Variants in UTP18 observed in about 807,000 individuals in gnomAD.
UTP18 encodes U3 small nucleolar RNA-associated protein 18 homolog.
A neutral mutation model predicts 61.1 loss-of-function variants in UTP18; 36 were observed. The observed-to-expected ratio is 0.59, with a 90% CI of 0.45 to 0.78. The LOEUF (loss-of-function observed/expected upper bound fraction) is 0.78. Among genes scored for constraint, UTP18 ranks in the 30% least tolerant of loss-of-function variants. The pLI is 0.00. For missense variants in UTP18, 753 were observed against 693.9 expected, an observed-to-expected ratio of 1.09 and a Z score of -0.96; for synonymous variants, 282 against 251.1, an observed-to-expected ratio of 1.12 and a Z score of -1.16.
chr17:51,277,502 C>T (rs556588605), intron 7 of UTP18, among the ~76,000 whole-genome samples, 198 bp downstream of exon 7: 16 of 152,266 alleles, frequency 1.1e-4, no homozygotes, highest in East Asian at 3.9e-4. Context: ...TGAACACTTA[C>T]GGAATGATCA....
intron 3 of UTP18, among the ~76,000 whole-genome samples, 154 bp downstream of exon 3, chr17:51,266,434 G>A (rs1015368375): frequency 2.6e-5 from 4 of 152,092 alleles, no homozygotes; most frequent in African/African-American, 9.7e-5. Flanking sequence ...TTTTTTAGGG[G>A]AGAGGGGACA....
At chr17:51,274,935 C>A (rs1183008649) in intron 5 of UTP18, among the ~76,000 whole-genome samples, 3 of 151,818 alleles carry the variant, frequency 2.0e-5, no homozygotes, top group African/African-American at 7.3e-5. Context: ...CAGTGGCTCA[C>A]GCCTGTAATC....
intron 3 of UTP18, among the ~76,000 whole-genome samples, chr17:51,267,050 G>C (rs964952793): frequency 6.6e-6 from 1 of 152,028 alleles, no homozygotes; most frequent in East Asian, 1.9e-4. Context: ...CTGGTCTTGA[G>C]CTCCTGGACT....
intron 10 of UTP18, among the ~76,000 whole-genome samples, chr17:51,285,848 C>G (rs564235468): frequency 6.6e-6 from 1 of 152,156 alleles, no homozygotes; most frequent in Non-Finnish European, 1.5e-5. Context: ...TTGGAACATA[C>G]GCCCTGCCAG....
At chr17:51,267,163 G>A (rs908976706) in intron 3 of UTP18, among the ~76,000 whole-genome samples, 6 of 151,978 alleles carry the variant, frequency 3.9e-5, no homozygotes, top group Non-Finnish European at 5.9e-5. Context: ...GAGGTTTTTC[G>A]CCATGTCGCC....
At chr17:51,283,356 CAG>C (rs560862295) in intron 9 of UTP18, among the ~76,000 whole-genome samples, 44 of 151,862 alleles carry the variant, frequency 2.9e-4, no homozygotes, top group Non-Finnish European at 4.9e-4. Flanking sequence ...TTAATAGAGA[CAG>C]GGTTTCATCA....
intron 3 of UTP18, among the ~76,000 whole-genome samples, chr17:51,268,536 T>C (rs8080145): frequency 0.64 from 97,187 of 152,144 alleles, 31,725 homozygotes; most frequent in African/African-American, 0.78. Context: ...TCCTGATATC[T>C]GGGATGTGTT....
chr17:51,293,428 T>C (rs541733938), intron 11 of UTP18, among the ~76,000 whole-genome samples: 90 of 151,964 alleles, frequency 5.9e-4, no homozygotes, highest in South Asian at 1.7e-3. Context: ...ATCAATCTTG[T>C]CCAACCCACG....
At chr17:51,293,569 A>G (rs953561054) in intron 11 of UTP18, among the ~76,000 whole-genome samples, 16 of 151,676 alleles carry the variant, frequency 1.1e-4, no homozygotes, top group African/African-American at 3.1e-4. Flanking sequence ...GCCCAAGACA[A>G]TTCTTCTTCC....
Position 51,277,203 on chromosome 17 carries a change from G to T in UTP18, c.911G>T (p.Ser304Ile). 1 of 1,614,144 alleles carries T rather than the reference G, an allele frequency of 6.2e-7. No individual in the cohort carries two copies. The highest frequency in any genetic ancestry group is 1.1e-5 in the South Asian group (1 of 91,084). ...TTTCCAATCTTTAAGGCTTGTTTTA[G>T]TGCTAATGGGGAAGAAGTTTTAGCC... ...ERFPIFKACF[S>I]ANGEEVLATS... The change falls in exon 7 of 14, where the codon AGT (serine) becomes ATT (isoleucine). Residue 304 changes from serine to isoleucine, a missense_variant. Ser to Ile is a moderately radical substitution (Grantham distance 142). Transcript: ENST00000225298.
At chr17:51,273,185 A>T (rs1465319844) in intron 4 of UTP18, among the ~76,000 whole-genome samples, 177 bp from the exon 5 acceptor site, 3 of 142,328 alleles carry the variant, frequency 2.1e-5, no homozygotes, top group African/African-American at 5.1e-5. Flanking sequence ...CTCCTTTAAA[A>T]TTTTTTTTTT....
chr17:51,265,196 TAGTA>T (rs754028411), intron 2 of UTP18, among the ~76,000 whole-genome samples: 4 of 152,130 alleles, frequency 2.6e-5, no homozygotes, highest in Non-Finnish European at 4.4e-5. Flanking sequence ...GCTTTTTTAA[TAGTA>T]AGTAGTTAAC....
intron 4 of UTP18, among the ~76,000 whole-genome samples, chr17:51,269,353 G>T (rs1418159158): frequency 1.4e-5 from 2 of 144,138 alleles, no homozygotes; most frequent in Non-Finnish European, 3.0e-5. Flanking sequence ...TTTGACTGTA[G>T]GTTTTAAATT....
intron 5 of UTP18, among the ~76,000 whole-genome samples, chr17:51,273,774 T>TAAATAAATAAA (rs1567701016): frequency 2.0e-5 from 3 of 151,178 alleles, no homozygotes; most frequent in Non-Finnish European, 1.5e-5. Context: ...AATAAATAAA[T>TAAATAAATAAA]TTTCCAGTAA....
At chr17:51,282,867 CTTTTTTT>C (rs534175274) in intron 9 of UTP18, among the ~76,000 whole-genome samples, 143 of 120,716 alleles carry the variant, frequency 1.2e-3, no homozygotes, top group African/African-American at 3.8e-3. Context: ...TCTTCTTCTT[CTTTTTTT>C]TTTTTTTTTT....
rs770701694 is a variant in UTP18, at chr17:51,285,291, T to G, written c.1251T>G (p.Leu417=). The change falls in exon 10 of 14, where the codon CTT becomes CTG. Residue 417 remains leucine (L), a synonymous_variant. Transcript: ENST00000225298. ...YVWDVNSRKC[L]NRFVDEGSLY... ...GGGATGTGAACTCAAGGAAGTGCCT[T>G]AACAGATTTGTTGATGAAGGCAGTT... 8.1e-6 allele frequency: 13 copies of G among 1,613,908 alleles called. No individual in the cohort carries two copies. Among genetic ancestry groups the G allele is most frequent in the Non-Finnish European group, 9.3e-6 (11 of 1,179,960 alleles).
At chr17:51,262,272 A>C (rs1598472083) in intron 1 of UTP18, among the ~76,000 whole-genome samples, 1 of 151,612 alleles carries the variant, frequency 6.6e-6, no homozygotes, top group African/African-American at 2.4e-5. Context: ...CTTTAGTAGA[A>C]ACGGGGTTTC....
At chr17:51,272,518 A>G (rs1455500022) in intron 4 of UTP18, among the ~76,000 whole-genome samples, 1 of 151,676 alleles carries the variant, frequency 6.6e-6, no homozygotes, top group African/African-American at 2.4e-5. Flanking sequence ...GCCTGGTTAT[A>G]TTTCATTGAG....
At chr17:51,286,294 T>C (rs980582388) in intron 10 of UTP18, among the ~76,000 whole-genome samples, 2 of 152,174 alleles carry the variant, frequency 1.3e-5, no homozygotes, top group African/African-American at 4.8e-5. Flanking sequence ...TAAGCTACCT[T>C]ACTAAACCAC....
Sources: gnomAD v4.1 joint callset for allele counts (sites outside exome capture counted in the v4.1 genomes callset) on GRCh38, gnomAD v4.1.1 for gene constraint, MANE v1.5 for transcripts, NCBI Gene and HGNC (gene_info 2026-07-23, HGNC 2026-07-21) for gene names.